The following SCLT1 variants were observed in gnomAD, a reference collection of about 807,000 sequenced individuals.
SCLT1 encodes sodium channel and clathrin linker 1.
In SCLT1, 78 loss-of-function variants were observed where a neutral mutation model predicts 112.8. That is an observed-to-expected ratio of 0.69 (90% CI 0.58 to 0.83). SCLT1 has a LOEUF of 0.83. Ranked by LOEUF, SCLT1 falls within the 40% of genes least tolerant of loss-of-function variation. The probability of loss-of-function intolerance (pLI) is 0.00; values close to 1 mark genes in which losing one functional copy is unlikely to be tolerated. For missense variants in SCLT1, 747 were observed against 770.4 expected, an observed-to-expected ratio of 0.97 and a Z score of 0.36; for synonymous variants, 257 against 254.7, an observed-to-expected ratio of 1.01 and a Z score of -0.09.
At chr4:128,987,617 TG>T (rs2126062487) in intron 9 of SCLT1, among the ~76,000 whole-genome samples, 1 of 152,130 alleles carries the variant, frequency 6.6e-6, no homozygotes, top group South Asian at 2.1e-4. Context: ...TCCATGAGCT[TG>T]GAGAAAGGCT....
intron 1 of SCLT1, among the ~76,000 whole-genome samples, chr4:129,090,677 C>CT (rs2125789031): frequency 6.6e-6 from 1 of 152,304 alleles, no homozygotes; most frequent in African/African-American, 2.4e-5. Context: ...CATCACCACT[C>CT]TGCCAGTGAG....
chr4:129,087,235 C>T (rs768646342), intron 1 of SCLT1, among the ~76,000 whole-genome samples: 1 of 152,036 alleles, frequency 6.6e-6, no homozygotes, highest in Non-Finnish European at 1.5e-5. Flanking sequence ...AGGTTCTTCT[C>T]GAGTACAATA....
chr4:128,948,744 T>C (rs1400851709), intron 14 of SCLT1, among the ~76,000 whole-genome samples, 174 bp from the exon 15 acceptor site: 1 of 152,198 alleles, frequency 6.6e-6, no homozygotes, highest in African/African-American at 2.4e-5. Flanking sequence ...TAACCCAGGA[T>C]TGCAGAAATT....
intron 9 of SCLT1, among the ~76,000 whole-genome samples, chr4:128,985,025 C>G (rs1454876129): frequency 2.6e-5 from 4 of 152,096 alleles, no homozygotes; most frequent in Non-Finnish European, 5.9e-5. Context: ...GTTGCTCTAA[C>G]TACATCTTTA....
At chr4:129,014,517 TTTGA>T (rs901216762) in intron 5 of SCLT1, among the ~76,000 whole-genome samples, 16 of 152,248 alleles carry the variant, frequency 1.1e-4, no homozygotes, top group Admixed American at 3.9e-4. Flanking sequence ...ACCTTGAGGG[TTTGA>T]TTATCATATA....
intron 18 of SCLT1, among the ~76,000 whole-genome samples, chr4:128,908,538 A>G (rs1257825474): frequency 1.4e-4 from 22 of 152,164 alleles, no homozygotes; most frequent in Admixed American, 1.4e-3. Context: ...ACAAGCGAAT[A>G]TTACATACTG....
At chr4:128,964,678 TACTGTA>T (rs1198386172) in intron 11 of SCLT1, among the ~76,000 whole-genome samples, 1 of 152,192 alleles carries the variant, frequency 6.6e-6, no homozygotes, top group African/African-American at 2.4e-5. Flanking sequence ...GGTTTATTTC[TACTGTA>T]ACTGTATTAT....
intron 5 of SCLT1, among the ~76,000 whole-genome samples, chr4:129,020,987 C>T (rs997278602): frequency 7.2e-5 from 11 of 152,138 alleles, no homozygotes; most frequent in Non-Finnish European, 1.2e-4. Context: ...GGAACAGCTC[C>T]GGTCTGCAGC....
chr4:128,893,363 T>G lies in SCLT1; in HGVS notation c.1830-2226A>C, dbSNP rs566815958. 2.6e-5 allele frequency among the ~76,000 whole-genome samples: 4 copies of G among 152,328 alleles called. No individual in the cohort carries two copies. The East Asian group carries it at 7.7e-4, about 29-fold the overall frequency. On this transcript the variant is annotated intron_variant, in intron 18 of 20. Transcript: ENST00000281142. ...ATCAAGCTCTGTCTCCCCCATTGGA[T>G]AGTGAGCAACTTCATTATTCATCTT...
At chr4:129,026,528 A>T (rs888260491) in intron 5 of SCLT1, among the ~76,000 whole-genome samples, 1 of 152,140 alleles carries the variant, frequency 6.6e-6, no homozygotes, top group Non-Finnish European at 1.5e-5. Flanking sequence ...ACATACCAGA[A>T]TCTCTGCGAC....
At chr4:129,017,570 A>C (rs1285571155) in intron 5 of SCLT1, among the ~76,000 whole-genome samples, 1 of 152,188 alleles carries the variant, frequency 6.6e-6, no homozygotes, top group Non-Finnish European at 1.5e-5. Flanking sequence ...CATCTTGAAA[A>C]TTAAATATCA....
rs147759332 is a variant in SCLT1, at chr4:129,079,485, C to G, written c.102+2821G>C. Among the ~76,000 whole-genome samples, 55 of 152,302 alleles carry G rather than the reference C, an allele frequency of 3.6e-4. 1 individual carries two copies. In the East Asian group the frequency reaches 9.7e-3, roughly 27 times the overall value. ...GGGCAGTCATTAAACCTTAGGGGCC[C>G]AAAATAATCTCCTTTGACTCCATGT... On this transcript the variant is annotated intron_variant, in intron 2 of 20. Coordinates refer to ENST00000281142, the MANE Select transcript of SCLT1 (RefSeq NM_144643.4).
chr4:128,956,990 A>T, intron 13 of SCLT1, 36 bp downstream of exon 13: 1 of 1,205,572 alleles, frequency 8.3e-7, no homozygotes, highest in Non-Finnish European at 1.2e-6. Context: ...GTTGTGACTT[A>T]AATTCTGAAT....
chr4:129,050,490 C>T (rs560864219), intron 2 of SCLT1, among the ~76,000 whole-genome samples: 8 of 152,230 alleles, frequency 5.3e-5, no homozygotes, highest in East Asian at 1.9e-4. Context: ...TGACCAGTGA[C>T]GAGGAGCTTT....
intron 2 of SCLT1, among the ~76,000 whole-genome samples, chr4:129,051,102 G>A (rs1356240667): frequency 6.6e-6 from 1 of 152,162 alleles, no homozygotes; most frequent in African/African-American, 2.4e-5. Context: ...TTTGGTACCA[G>A]TACCATCCTG....
At chr4:128,952,370 C>T (rs1272591962) in intron 14 of SCLT1, 3 of 459,628 alleles carry the variant, frequency 6.5e-6, no homozygotes, top group South Asian at 4.6e-5. Flanking sequence ...TTCTTTTCCT[C>T]TCCCCTCTTG....
intron 18 of SCLT1, among the ~76,000 whole-genome samples, chr4:128,929,768 T>C (rs1169479258): frequency 2.0e-5 from 3 of 152,228 alleles, no homozygotes; most frequent in African/African-American, 7.2e-5. Flanking sequence ...TCATTAAATG[T>C]TTCAGGGATG....
intron 18 of SCLT1, among the ~76,000 whole-genome samples, chr4:128,897,775 C>A (rs183334771): frequency 6.1e-4 from 93 of 152,234 alleles, no homozygotes; most frequent in African/African-American, 2.1e-3. Context: ...ATTCAGGAAA[C>A]CCATCTCACC....
chr4:128,939,368 ACAAG>A (rs1421118230), intron 17 of SCLT1, among the ~76,000 whole-genome samples: 1 of 152,202 alleles, frequency 6.6e-6, no homozygotes, highest in African/African-American at 2.4e-5. Flanking sequence ...TCAGTCTCGA[ACAAG>A]CACCATAGCC....
Sources: allele counts gnomAD v4.1 joint callset (sites outside exome capture counted in the v4.1 genomes callset), GRCh38; gene constraint gnomAD v4.1.1; transcripts MANE v1.5; gene names NCBI Gene and HGNC (gene_info 2026-07-23, HGNC 2026-07-21).